The following SRFBP1 variants were observed in gnomAD, a reference collection of about 807,000 sequenced individuals.
The protein encoded by SRFBP1 is serum response factor binding protein 1.
Under a neutral mutation model 45.5 loss-of-function variants are expected in SRFBP1, and 47 were observed. That is an observed-to-expected ratio of 1.03 (90% CI 0.82 to 1.32). The LOEUF is 1.32. Ranked by LOEUF, SRFBP1 falls within the 40% of genes most tolerant of loss-of-function variation. SRFBP1 has a pLI of 0.00. For missense variants in SRFBP1, 621 were observed against 484.6 expected (o/e 1.28, Z -2.64); for synonymous variants, 203 against 166.3 (o/e 1.22, Z -1.70).
rs1389904734 is a variant in SRFBP1 at position 122,069,844 on chromosome 5, T to C, written n.312-5471T>C. ...TTATGTCTTCTCCTGAAAACTAAGC[T>C]TCTCCTGAAAACTAAAAACCTTAGT... On this transcript the variant is annotated intron_variant and non_coding_transcript_variant, in intron 2 of 2. Transcript: ENST00000504881. 3 of 556,754 alleles carry C rather than the reference T, an allele frequency of 5.4e-6. No individual in the cohort carries two copies. The East Asian group carries it at 1.2e-4, about 22-fold the overall frequency. 34.5% of individuals were successfully genotyped at this position (556,754 alleles called of 1,614,324 possible).
chr5:122,038,451 T>C (rs1753724824), intron 2 of SRFBP1, among the ~76,000 whole-genome samples: 1 of 152,164 alleles, frequency 6.6e-6, no homozygotes, highest in South Asian at 2.1e-4. Flanking sequence ...GAAAAAAGAC[T>C]GGAAAATGAA....
chr5:122,060,065 C>G (rs926347261), intron 2 of SRFBP1, among the ~76,000 whole-genome samples: 1 of 152,020 alleles, frequency 6.6e-6, no homozygotes, highest in East Asian at 1.9e-4. Flanking sequence ...CTAAAATGCC[C>G]TACTAAGACT....
intron 2 of SRFBP1, among the ~76,000 whole-genome samples, chr5:122,034,090 C>A (rs1278419501): frequency 6.6e-6 from 1 of 152,218 alleles, no homozygotes; most frequent in Non-Finnish European, 1.5e-5. Context: ...TCCCATGGTG[C>A]TGGGATTAAA....
At chr5:122,006,181 A>T (rs987490743) in intron 4 of SRFBP1, among the ~76,000 whole-genome samples, 1 of 151,466 alleles carries the variant, frequency 6.6e-6, no homozygotes, top group African/African-American at 2.4e-5. Flanking sequence ...CTTCATTGGC[A>T]TTTTTTTTCA....
chr5:122,072,379 G>T (rs1442427293), intron 2 of SRFBP1, among the ~76,000 whole-genome samples: 2 of 152,116 alleles, frequency 1.3e-5, no homozygotes, highest in African/African-American at 4.8e-5. Context: ...GTTAGCTGAG[G>T]CTCTCTAAAT....
intron 2 of SRFBP1, among the ~76,000 whole-genome samples, chr5:122,038,655 C>A (rs948812190): frequency 6.6e-6 from 1 of 152,158 alleles, no homozygotes; most frequent in South Asian, 2.1e-4. Flanking sequence ...ACATGATAGC[C>A]TTTAAGGCAT....
intron 3 of SRFBP1, among the ~76,000 whole-genome samples, chr5:121,989,941 C>T (rs1014040608): frequency 1.3e-5 from 2 of 152,072 alleles, no homozygotes; most frequent in Non-Finnish European, 2.9e-5. Context: ...AGATTGGCAA[C>T]TGAAAATTTT....
chr5:122,057,240 A>G (rs1754094845), intron 2 of SRFBP1, among the ~76,000 whole-genome samples: 1 of 151,832 alleles, frequency 6.6e-6, no homozygotes, highest in South Asian at 2.1e-4. Flanking sequence ...CATGACAAAA[A>G]CAGCTCCAAA....
intron 1 of SRFBP1, among the ~76,000 whole-genome samples, chr5:121,963,826 A>T (rs1752003250): frequency 6.6e-6 from 1 of 152,152 alleles, no homozygotes. Flanking sequence ...AAAAGTGGAG[A>T]TGATGGAGGA....
intron 2 of SRFBP1, among the ~76,000 whole-genome samples, chr5:122,057,638 C>CT (rs1206230997): frequency 1.4e-5 from 2 of 147,960 alleles, no homozygotes; most frequent in Non-Finnish European, 3.0e-5. Flanking sequence ...GCTCTCAGTT[C>CT]TTTAAAAAAA....
At position 122,027,163 on chromosome 5, in the gene SRFBP1, A is replaced by C. The variant is rs779553609; in HGVS notation, c.*37A>C. The C allele has an allele frequency of 6.4e-7, 1 of 1,557,774 alleles. No homozygotes were observed. Among genetic ancestry groups the C allele is most frequent in the Non-Finnish European group, 8.7e-7 (1 of 1,148,518 alleles). On this transcript the variant is annotated 3_prime_UTR_variant, in exon 8 of 8. Coordinates refer to ENST00000339397, the MANE Select transcript of SRFBP1 (RefSeq NM_152546.3). ...TTCTGCAAACTTTTCCATCTAAAAA[A>C]AAAAATGTTTTTTTTAAGACAGGAT...
In SRFBP1 at chr5:122,027,011, C is replaced by T. The variant is rs1319324098; in HGVS notation, c.1175C>T (p.Thr392Ile). ...AAGCTATCAGGAAGACTTGAAAATA[C>T]AAAACAGCAATTGCAGCTGCCTCTT... ...NKKLSGRLEN[T>I]KQQLQLPLHP... Residue 392 changes from threonine (T) to isoleucine (I), a missense_variant, in exon 8 of 8, where the codon ACA becomes ATA. Coordinates refer to ENST00000339397, the MANE Select transcript of SRFBP1 (RefSeq NM_152546.3). 1 of 1,612,706 alleles carries T rather than the reference C, an allele frequency of 6.2e-7. No homozygotes were observed. Among genetic ancestry groups the T allele is most frequent in the East Asian group, 2.2e-5 (1 of 44,742 alleles).
At chr5:122,077,285 G>A, downstream of SRFBP1, 1 of 1,597,654 alleles carries the variant, frequency 6.3e-7, no homozygotes, top group Non-Finnish European at 8.5e-7. This position sits in a 1 kb window ranked among gnomAD's most constrained non-coding sequence, Gnocchi z 4.9. Context: ...CGCCCAGGCA[G>A]CCACGTCGAG....
At chr5:121,965,196 A>T (rs188601473) in intron 1 of SRFBP1, among the ~76,000 whole-genome samples, 1 of 152,296 alleles carries the variant, frequency 6.6e-6, no homozygotes, top group East Asian at 1.9e-4. Flanking sequence ...TAGTTTAATT[A>T]GATCCCATTT....
chr5:121,989,054 AATTT>A (rs906999403), intron 3 of SRFBP1, among the ~76,000 whole-genome samples: 2 of 142,702 alleles, frequency 1.4e-5, no homozygotes, highest in Non-Finnish European at 3.0e-5. Flanking sequence ...AAGATATTGG[AATTT>A]GTTTGTTTGT....
intron 3 of SRFBP1, among the ~76,000 whole-genome samples, chr5:121,981,761 C>T (rs1752411862): frequency 6.6e-6 from 1 of 151,906 alleles, no homozygotes; most frequent in African/African-American, 2.4e-5. Flanking sequence ...AAGTACTTAC[C>T]TACTTTATGC....
At chr5:122,004,046 C>T (rs1160915025) in intron 4 of SRFBP1, among the ~76,000 whole-genome samples, 1 of 152,036 alleles carries the variant, frequency 6.6e-6, no homozygotes, top group Non-Finnish European at 1.5e-5. Flanking sequence ...GCGATCCTCC[C>T]ACCTCAGCCT....
chr5:122,021,102 A>G (rs1010223569), intron 6 of SRFBP1, among the ~76,000 whole-genome samples: 10 of 152,192 alleles, frequency 6.6e-5, no homozygotes, highest in African/African-American at 2.4e-4. Context: ...TTGATGAAAA[A>G]CTTTTGAAAA....
chr5:122,038,943 T>C (rs1753732543), intron 2 of SRFBP1, among the ~76,000 whole-genome samples: 1 of 152,136 alleles, frequency 6.6e-6, no homozygotes, highest in Non-Finnish European at 1.5e-5. Context: ...CTCCATCATT[T>C]ATTTCAAATG....
Sources: gnomAD v4.1 joint callset for allele counts (sites outside exome capture counted in the v4.1 genomes callset) on GRCh38, gnomAD v4.1.1 for gene constraint, Gnocchi (gnomAD v3.1) non-coding constraint, MANE v1.5 for transcripts, NCBI Gene and HGNC (gene_info 2026-07-23, HGNC 2026-07-21) for gene names.